Variants in ADCY2 observed in about 807,000 individuals in gnomAD.
ADCY2 encodes adenylate cyclase type 2.
In ADCY2, 31 loss-of-function variants were observed where a neutral mutation model predicts 125.2. The observed-to-expected ratio is 0.25, with a 90% CI of 0.19 to 0.33. The LOEUF (loss-of-function observed/expected upper bound fraction) is 0.33, where lower values mean the gene tolerates loss of function less well. Ranked by LOEUF, ADCY2 falls within the 10% of genes least tolerant of loss-of-function variation. ADCY2 has a pLI of 1.00. For missense variants in ADCY2, 904 were observed against 1,418.2 expected (o/e 0.64, Z 5.82); for synonymous variants, 512 against 548.4 (o/e 0.93, Z 0.93).
chr5:7,418,229 A>C (rs1197807336), intron 2 of ADCY2, among the ~76,000 whole-genome samples: 1 of 152,072 alleles, frequency 6.6e-6, no homozygotes, highest in Non-Finnish European at 1.5e-5. Context: ...ATATAACCCC[A>C]ACCATTCTGT....
intron 7 of ADCY2, among the ~76,000 whole-genome samples, chr5:7,703,408 G>C (rs1308486576): frequency 6.6e-6 from 1 of 151,586 alleles, no homozygotes; most frequent in Non-Finnish European, 1.5e-5. Context: ...TGTATAAGGT[G>C]TAAGGAAGGG....
chr5:7,578,940 A>G (rs1221680505), intron 3 of ADCY2, among the ~76,000 whole-genome samples: 2 of 152,212 alleles, frequency 1.3e-5, no homozygotes, highest in Non-Finnish European at 2.9e-5. Flanking sequence ...TAGGGCAAAC[A>G]GAGATGGACT....
chr5:7,763,844 C>T (rs752736957), intron 16 of ADCY2, among the ~76,000 whole-genome samples: 16 of 152,180 alleles, frequency 1.1e-4, no homozygotes, highest in Non-Finnish European at 4.4e-5. Context: ...CTTGCCATGA[C>T]TCTGTACCTC....
intron 22 of ADCY2, among the ~76,000 whole-genome samples, chr5:7,816,238 G>A (rs1480749503): frequency 6.6e-6 from 1 of 152,226 alleles, no homozygotes; most frequent in Non-Finnish European, 1.5e-5. Flanking sequence ...GGAGGGGGAT[G>A]TTCCCAGAAC....
intron 3 of ADCY2, among the ~76,000 whole-genome samples, chr5:7,589,967 C>T (rs951546243): frequency 6.6e-6 from 1 of 152,180 alleles, no homozygotes; most frequent in African/African-American, 2.4e-5. Flanking sequence ...CTGCTTCATC[C>T]TTACCTGTCT....
rs757303083 is a variant in ADCY2 at position 7,396,369 on chromosome 5, G to A, written c.73G>A (p.Gly25Arg). 4.5e-6 allele frequency: 7 copies of A among 1,555,370 alleles called. No homozygotes were observed. Among genetic ancestry groups the A allele is most frequent in the Admixed American group, 1.9e-5 (1 of 53,836 alleles). ...CGAGGAGGCGGCGGGCGGCGGAGACGGGCTGCCGCGGTCCCGGGACTGGCT... is the reference window on the plus strand; with the variant it reads ...CGAGGAGGCGGCGGGCGGCGGAGACAGGCTGCCGCGGTCCCGGGACTGGCT... ...RSEEAAGGGD[G>R]LPRSRDWLYE... The change falls in exon 1 of 25, where the codon GGG (glycine) becomes AGG (arginine). Residue 25 changes from glycine to arginine, a missense_variant. Physicochemically the swap from Gly to Arg is moderately radical, Grantham distance 125 (BLOSUM62 -2). Around this residue, in one of 7 missense-constraint regions of ADCY2, gnomAD observed 113 missense variants for 108.0 expected, o/e 1.05. Coordinates refer to ENST00000338316, the MANE Select transcript of ADCY2 (RefSeq NM_020546.3). This position sits in a 1 kb window ranked among gnomAD's most constrained non-coding sequence, Gnocchi z 5.7.
chr5:7,446,408 T>C (rs768315972), intron 2 of ADCY2, among the ~76,000 whole-genome samples: 1 of 152,212 alleles, frequency 6.6e-6, no homozygotes, highest in Non-Finnish European at 1.5e-5. Flanking sequence ...TTTTATTGCT[T>C]TTGCCTGGTA....
chr5:7,610,442 G>A (rs1162497972), intron 3 of ADCY2, among the ~76,000 whole-genome samples: 1 of 152,100 alleles, frequency 6.6e-6, no homozygotes, highest in Non-Finnish European at 1.5e-5. Context: ...GGAGACATTG[G>A]GTTTGGCAAA....
chr5:7,562,705 G>A (rs1735745158), intron 3 of ADCY2, among the ~76,000 whole-genome samples: 1 of 152,040 alleles, frequency 6.6e-6, no homozygotes, highest in South Asian at 2.1e-4. Flanking sequence ...ATGAACACAG[G>A]TTTCAAAATA....
intron 3 of ADCY2, among the ~76,000 whole-genome samples, chr5:7,596,275 T>TCC (rs34326417): frequency 2.0e-5 from 3 of 147,382 alleles, no homozygotes; most frequent in South Asian, 4.4e-4. Flanking sequence ...ATCCAAAAAC[T>TCC]CCCCCCCCCC....
intron 22 of ADCY2, among the ~76,000 whole-genome samples, chr5:7,813,652 G>A (rs1055109090): frequency 1.3e-5 from 2 of 152,180 alleles, no homozygotes; most frequent in Non-Finnish European, 2.9e-5. Context: ...TCTAGAGACT[G>A]AACATAATTT....
chr5:7,781,559 G>C (rs756275244), intron 18 of ADCY2, among the ~76,000 whole-genome samples: 11 of 152,202 alleles, frequency 7.2e-5, no homozygotes, highest in Non-Finnish European at 1.5e-4. Flanking sequence ...ACTACCTGAA[G>C]TGAGACCAAG....
chr5:7,701,655 CCCCT>C (rs1252027658), intron 7 of ADCY2, among the ~76,000 whole-genome samples: 1 of 152,154 alleles, frequency 6.6e-6, no homozygotes, highest in African/African-American at 2.4e-5. Flanking sequence ...CTCCCAATTA[CCCCT>C]TCCCCAGCTC....
At chr5:7,409,369 C>T (rs1579413557) in intron 1 of ADCY2, among the ~76,000 whole-genome samples, 1 of 152,150 alleles carries the variant, frequency 6.6e-6, no homozygotes, top group Non-Finnish European at 1.5e-5. Context: ...TGCACAATTA[C>T]CCCTGAACTT....
intron 4 of ADCY2, among the ~76,000 whole-genome samples, chr5:7,666,631 T>G (rs568203999): frequency 6.6e-6 from 1 of 152,324 alleles, no homozygotes; most frequent in African/African-American, 2.4e-5. Flanking sequence ...AGTCCAAGAT[T>G]GCACAGCTGT....
chr5:7,547,024 G>A (rs1735168342), intron 3 of ADCY2, among the ~76,000 whole-genome samples: 1 of 152,148 alleles, frequency 6.6e-6, no homozygotes, highest in Admixed American at 6.5e-5. Context: ...ATGGGTATAT[G>A]AGAGTGGGAT....
intron 3 of ADCY2, among the ~76,000 whole-genome samples, chr5:7,567,146 G>T (rs995060668): frequency 1.3e-5 from 2 of 152,072 alleles, no homozygotes; most frequent in Non-Finnish European, 2.9e-5. Flanking sequence ...ATTTTTGTAT[G>T]TGTCTAAATC....
At chr5:7,615,448 T>C (rs1737723200) in intron 3 of ADCY2, among the ~76,000 whole-genome samples, 1 of 152,176 alleles carries the variant, frequency 6.6e-6, no homozygotes, top group Non-Finnish European at 1.5e-5. Flanking sequence ...TCATGGGGTA[T>C]GTTAGATGGC....
chr5:7,576,144 C>T (rs994773814), intron 3 of ADCY2, among the ~76,000 whole-genome samples: 4 of 152,166 alleles, frequency 2.6e-5, no homozygotes, highest in South Asian at 2.1e-4. Flanking sequence ...CCCATTGGAG[C>T]GGAGCCGAAA....
Sources: allele counts gnomAD v4.1 joint callset (sites outside exome capture counted in the v4.1 genomes callset), GRCh38; gene constraint gnomAD v4.1.1; regional missense constraint gnomAD v4.1.1; non-coding constraint Gnocchi (gnomAD v3.1); transcripts MANE v1.5; gene names NCBI Gene and HGNC (gene_info 2026-07-23, HGNC 2026-07-21).